The following ADAMTS19 variants were observed in gnomAD, a reference collection of about 807,000 sequenced individuals.
The protein encoded by ADAMTS19 is A disintegrin and metalloproteinase with thrombospondin motifs 19.
A neutral mutation model predicts 153.3 loss-of-function variants in ADAMTS19; 93 were observed. That is an observed-to-expected ratio of 0.61 (90% CI 0.51 to 0.72). ADAMTS19 has a LOEUF of 0.72. Among genes scored for constraint, ADAMTS19 ranks in the 30% least tolerant of loss-of-function variants. The pLI, the probability that ADAMTS19 is intolerant of heterozygous loss-of-function variation, is 0.00. For synonymous variants in ADAMTS19, 600 were observed against 556.6 expected, an observed-to-expected ratio of 1.08 and a Z score of -1.10; for missense variants, 1,482 against 1,552.1, an observed-to-expected ratio of 0.95 and a Z score of 0.76.
At chr5:129,489,586 T>C (rs936183779) in intron 2 of ADAMTS19, among the ~76,000 whole-genome samples, 9 of 152,162 alleles carry the variant, frequency 5.9e-5, no homozygotes, top group Admixed American at 4.6e-4. Flanking sequence ...TACATATAGC[T>C]AAAACTGAAC....
At chr5:129,549,749 C>T (rs543243036) in intron 6 of ADAMTS19, among the ~76,000 whole-genome samples, 124 of 150,620 alleles carry the variant, frequency 8.2e-4, no homozygotes, top group African/African-American at 2.8e-3. Context: ...ATTAAATATA[C>T]ATTTCTAATA....
At chr5:129,653,882 T>C (rs1319899803) in intron 13 of ADAMTS19, among the ~76,000 whole-genome samples, 2 of 152,096 alleles carry the variant, frequency 1.3e-5, no homozygotes, top group African/African-American at 4.8e-5. Context: ...CATCAATAAA[T>C]AATTCAAGCA....
chr5:129,598,538 G>C (rs965275484), intron 8 of ADAMTS19, among the ~76,000 whole-genome samples: 2 of 152,126 alleles, frequency 1.3e-5, no homozygotes, highest in Non-Finnish European at 2.9e-5. Flanking sequence ...CCATCACCCA[G>C]CCCAAGAAAC....
intron 2 of ADAMTS19, among the ~76,000 whole-genome samples, chr5:129,502,007 G>C (rs921396127): frequency 6.6e-6 from 1 of 152,034 alleles, no homozygotes; most frequent in South Asian, 2.1e-4. Context: ...ATCTTGAAGG[G>C]TGGCGGTGGA....
chr5:129,568,430 A>ACTGAT (rs1434474221), intron 7 of ADAMTS19, among the ~76,000 whole-genome samples: 34 of 152,296 alleles, frequency 2.2e-4, no homozygotes, highest in African/African-American at 7.9e-4. Flanking sequence ...ATGGTAAAAT[A>ACTGAT]CTGATTCTAA....
chr5:129,527,740 GT>G lies in ADAMTS19; in HGVS notation c.1087-3del. The G allele has an allele frequency of 2.0e-6, 3 of 1,486,320 alleles. No homozygotes were observed. Among genetic ancestry groups the G allele is most frequent in the East Asian group, 2.4e-5 (1 of 42,412 alleles). The allele number at this position is 1,486,320 out of a possible 1,614,324, so 92.1% of individuals were successfully genotyped here. On this transcript the variant is annotated splice_polypyrimidine_tract_variant and splice_region_variant and intron_variant, in intron 4 of 22. Coordinates refer to ENST00000274487, the MANE Select transcript of ADAMTS19 (RefSeq NM_133638.6). ...AATTTTAGGATTTTTATTTTTATTT[GT>G]TTTTAGGTATTTAACCTTTTCCAAC...
At chr5:129,546,400 AAAAAG>A (rs1337122085) in intron 6 of ADAMTS19, among the ~76,000 whole-genome samples, 1 of 150,984 alleles carries the variant, frequency 6.6e-6, no homozygotes, top group Admixed American at 6.6e-5. Flanking sequence ...AAAAATTAAA[AAAAAG>A]AGAAGATAAA....
rs990543019 is a variant in ADAMTS19 at position 129,679,652 on chromosome 5, G to C, written c.2507-112G>C. On this transcript the variant is annotated intron_variant, in intron 16 of 22. Transcript: ENST00000274487. Reference sequence around the variant, plus strand: ...CTCAAGTTTTACATCAGGGAATGTTGATCCATTTGTTTGTAAATAAATGGA... The same window carrying C: ...CTCAAGTTTTACATCAGGGAATGTTCATCCATTTGTTTGTAAATAAATGGA... 6 of 987,366 alleles carry C rather than the reference G, an allele frequency of 6.1e-6. No homozygotes were observed. In the African/African-American group the frequency reaches 9.9e-5, roughly 16 times the overall value. 61.2% of individuals were successfully genotyped at this position (987,366 alleles called of 1,614,324 possible).
intron 19 of ADAMTS19, among the ~76,000 whole-genome samples, chr5:129,698,371 TAAA>T (rs1034285536): frequency 6.6e-6 from 1 of 152,116 alleles, no homozygotes; most frequent in Non-Finnish European, 1.5e-5. Context: ...TCCAACCTAG[TAAA>T]AAAATTCTAA....
chr5:129,703,688 C>T (rs1321362945), intron 20 of ADAMTS19, among the ~76,000 whole-genome samples: 4 of 152,128 alleles, frequency 2.6e-5, no homozygotes, highest in Non-Finnish European at 4.4e-5. Context: ...GCCAAGATCA[C>T]GCTACTGCAC....
chr5:129,595,388 T>C (rs1225483747), intron 7 of ADAMTS19, among the ~76,000 whole-genome samples: 1 of 152,160 alleles, frequency 6.6e-6, no homozygotes, highest in Non-Finnish European at 1.5e-5. Context: ...TTCCTATACT[T>C]CCCTGAATCT....
chr5:129,715,880 T>C (rs1255946337), intron 21 of ADAMTS19, among the ~76,000 whole-genome samples: 1 of 152,040 alleles, frequency 6.6e-6, no homozygotes. Flanking sequence ...GTTTAAAATT[T>C]CAAAGTATAT....
intron 3 of ADAMTS19, among the ~76,000 whole-genome samples, chr5:129,519,579 T>G (rs1751724964): frequency 6.6e-6 from 1 of 151,918 alleles, no homozygotes; most frequent in Non-Finnish European, 1.5e-5. Context: ...CAAGTTTTCT[T>G]GGAGGCTCAG....
At chr5:129,581,235 G>A (rs933293639) in intron 7 of ADAMTS19, among the ~76,000 whole-genome samples, 20 of 151,720 alleles carry the variant, frequency 1.3e-4, no homozygotes, top group Admixed American at 7.2e-4. Context: ...GGTATTTATA[G>A]TATTCTTGGA....
chr5:129,675,559 A>G (rs936613148), intron 16 of ADAMTS19, among the ~76,000 whole-genome samples: 6 of 152,086 alleles, frequency 3.9e-5, no homozygotes, highest in Non-Finnish European at 7.4e-5. Context: ...CATTACAGAT[A>G]TTATGTATAT....
intron 21 of ADAMTS19, among the ~76,000 whole-genome samples, chr5:129,716,318 C>T (rs967992827): frequency 2.6e-5 from 4 of 152,212 alleles, no homozygotes; most frequent in African/African-American, 9.6e-5. Flanking sequence ...TCCTTCTCAG[C>T]CTCCTGTGTA....
In ADAMTS19 at chr5:129,573,656, G is replaced by A. The variant is rs571924408; in HGVS notation, c.1372+21749G>A. On this transcript the variant is annotated intron_variant, in intron 7 of 22. Coordinates refer to ENST00000274487, the MANE Select transcript of ADAMTS19 (RefSeq NM_133638.6). ...ATCATGTTTAATTTTTGGCTGTCTT[G>A]TATATTTTATTAGGCACTGGCCAAA... 2.0e-4 allele frequency among the ~76,000 whole-genome samples: 30 copies of A among 152,160 alleles called. 1 individual carries two copies. Among genetic ancestry groups the A allele is most frequent in the Middle Eastern group, 6.8e-3 (2 of 294 alleles).
intron 8 of ADAMTS19, among the ~76,000 whole-genome samples, chr5:129,613,496 A>T (rs1751340416): frequency 1.3e-5 from 2 of 152,198 alleles, no homozygotes; most frequent in Admixed American, 6.6e-5. Context: ...ACGAGAACAA[A>T]GACACAACAT....
At position 129,695,279 on chromosome 5, in the gene ADAMTS19, A is replaced by C. The variant is rs1755504102; in HGVS notation, c.2954+424A>C. On this transcript the variant is annotated intron_variant, in intron 19 of 22. Transcript: ENST00000274487. Reference sequence around the variant, plus strand: ...GAGCCAGGCCAGTGTAGTGTTTCTGATTCCTCTGGCTAAATTCTCACTTCC... The same window carrying C: ...GAGCCAGGCCAGTGTAGTGTTTCTGCTTCCTCTGGCTAAATTCTCACTTCC... 2.6e-5 allele frequency among the ~76,000 whole-genome samples: 4 copies of C among 152,092 alleles called. No individual in the cohort carries two copies. In the South Asian group the frequency reaches 8.3e-4, roughly 32 times the overall value.
Sources: allele counts gnomAD v4.1 joint callset (sites outside exome capture counted in the v4.1 genomes callset), GRCh38; gene constraint gnomAD v4.1.1; transcripts MANE v1.5; gene names NCBI Gene and HGNC (gene_info 2026-07-23, HGNC 2026-07-21).